Variants in RASEF observed in about 807,000 individuals in gnomAD.
The protein encoded by RASEF is ras and EF-hand domain-containing protein.
In RASEF, 68 loss-of-function variants were observed where a neutral mutation model predicts 90.1. That is an observed-to-expected ratio of 0.75 (90% CI 0.62 to 0.92). RASEF has a LOEUF of 0.92. RASEF is among the 40% of genes least tolerant of loss of function. The pLI is 0.00. For synonymous variants in RASEF, 331 were observed against 345.2 expected (o/e 0.96, Z 0.46); for missense variants, 949 against 937.2 (o/e 1.01, Z -0.16).
chr9:82,996,882 A>C (rs1828930429), intron 14 of RASEF, 130 bp downstream of exon 14: 1 of 626,928 alleles, frequency 1.6e-6, no homozygotes, highest in African/African-American at 1.8e-5. Flanking sequence ...TGTAGCATCC[A>C]ATTCTTCCTG....
intron 1 of RASEF, among the ~76,000 whole-genome samples, chr9:83,031,814 C>T (rs1438720481): frequency 6.6e-6 from 1 of 152,100 alleles, no homozygotes; most frequent in African/African-American, 2.4e-5. Flanking sequence ...TTACTTAAAG[C>T]TATCTGGGGG....
At chr9:83,028,880 T>C (rs58323931) in intron 1 of RASEF, among the ~76,000 whole-genome samples, 4,499 of 152,178 alleles carry the variant, frequency 0.03, 205 homozygotes, top group African/African-American at 0.1. Context: ...CCAATCTTAC[T>C]GGTCACCTTA....
At chr9:83,134,312 C>T in the RASEF span, among the ~76,000 whole-genome samples, 2 of 151,818 alleles carry the variant, frequency 1.3e-5, no homozygotes, top group African/African-American at 4.8e-5. Context: ...AACACTTAGT[C>T]CACACCTTTT....
chr9:83,180,883 G>A, the RASEF span, among the ~76,000 whole-genome samples: 189 of 151,486 alleles, frequency 1.2e-3, no homozygotes, highest in African/African-American at 4.2e-3. Flanking sequence ...CTTTAGCTAC[G>A]TTAAAAAAAA....
chr9:83,037,589 ATGT>A (rs1829766214), intron 1 of RASEF, among the ~76,000 whole-genome samples: 1 of 152,158 alleles, frequency 6.6e-6, no homozygotes. Context: ...GTAGACTGAA[ATGT>A]TGTCAAAATT....
chr9:83,215,227 T>G, the RASEF span, among the ~76,000 whole-genome samples: 1 of 152,094 alleles, frequency 6.6e-6, no homozygotes, highest in African/African-American at 2.4e-5. Flanking sequence ...CACCACTCAA[T>G]AAAACTTCAC....
At chr9:83,218,007 T>C in the RASEF span, among the ~76,000 whole-genome samples, 1 of 152,160 alleles carries the variant, frequency 6.6e-6, no homozygotes, top group East Asian at 1.9e-4. Context: ...TGGAGCCTAA[T>C]TGCATGCCAG....
chr9:83,010,861 A>G (rs1378932618), intron 5 of RASEF, among the ~76,000 whole-genome samples: 1 of 152,046 alleles, frequency 6.6e-6, no homozygotes, highest in Non-Finnish European at 1.5e-5. Context: ...ACCGTCCCAC[A>G]GGATCCTACA....
intron 3 of RASEF, among the ~76,000 whole-genome samples, chr9:83,016,164 TACTC>T (rs200428060): frequency 0.01 from 1,532 of 152,284 alleles, 15 homozygotes; most frequent in Non-Finnish European, 0.016. Flanking sequence ...CTAAGACTAT[TACTC>T]ACATTGTGAT....
chr9:83,093,611 G>A, the RASEF span, among the ~76,000 whole-genome samples: 8 of 152,224 alleles, frequency 5.3e-5, no homozygotes, highest in East Asian at 1.9e-4. Context: ...TGTGGGGCCC[G>A]CCAAGCCCAT....
At chr9:83,110,201 C>A in the RASEF span, among the ~76,000 whole-genome samples, 2 of 152,074 alleles carry the variant, frequency 1.3e-5, no homozygotes, top group African/African-American at 4.8e-5. Context: ...AGCAAAGCGA[C>A]CATATTTTGG....
chr9:83,076,134 C>G, the RASEF span, among the ~76,000 whole-genome samples: 1 of 149,966 alleles, frequency 6.7e-6, no homozygotes, highest in South Asian at 2.1e-4. Context: ...CGCCACTGTA[C>G]TACAGCCTGG....
chr9:83,118,504 AT>A, the RASEF span, among the ~76,000 whole-genome samples: 4,499 of 151,788 alleles, frequency 0.03, 230 homozygotes, highest in African/African-American at 0.1. Flanking sequence ...TGTTGCTTTG[AT>A]TTTTTTTGCT....
chr9:83,033,873 T>C (rs1392357677), intron 1 of RASEF, among the ~76,000 whole-genome samples: 1 of 152,180 alleles, frequency 6.6e-6, no homozygotes, highest in African/African-American at 2.4e-5. Flanking sequence ...ATGTTCTTAC[T>C]AATGTAATAC....
chr9:83,146,865 A>G, the RASEF span, among the ~76,000 whole-genome samples: 6 of 152,096 alleles, frequency 3.9e-5, no homozygotes, highest in African/African-American at 1.4e-4. Context: ...ATGGACGTGA[A>G]GCTAACAAAA....
In RASEF at chr9:83,001,061, T is replaced by C; in HGVS notation, c.1272A>G (p.Thr424=). The part of the protein sequence containing the change: ...SLALCDPLQR[T]NCEVDSLPES... The stretch of plus-strand genomic sequence containing the variant: ...CAGGCAGGCTGTCAACTTCACAATT[T>C]GTCCTCTGCAGAGGATCACAGAGGG... Residue 424 remains threonine, a synonymous_variant, in exon 10 of 17, where the codon ACA becomes ACG. Transcript: ENST00000376447. 1 of 1,614,204 alleles carries C rather than the reference T, an allele frequency of 6.2e-7. No homozygotes were observed. The highest frequency in any genetic ancestry group is 1.3e-5 in the African/African-American group (1 of 75,046).
the RASEF span, among the ~76,000 whole-genome samples, chr9:83,154,873 G>A: frequency 6.6e-6 from 1 of 152,266 alleles, no homozygotes; most frequent in East Asian, 1.9e-4. Context: ...GGAAATAATG[G>A]AGGAAGGTAT....
rs148563064 is a variant in RASEF, at chr9:83,015,517, T to A, written c.765+288A>T. Among the ~76,000 whole-genome samples, 1,299 of 152,166 alleles carry A rather than the reference T, an allele frequency of 8.5e-3. 22 individuals carry two copies. Among genetic ancestry groups the A allele is most frequent in the African/African-American group, 0.03 (1,231 of 41,512 alleles). On this transcript the variant is annotated intron_variant, in intron 4 of 16. Transcript: ENST00000376447. Reference sequence around the variant, plus strand: ...CCGACATGGTGAAACCCGCCTCTACTAAAAACACAAAAATTAGCTGGGCAT... The same window carrying A: ...CCGACATGGTGAAACCCGCCTCTACAAAAAACACAAAAATTAGCTGGGCAT...
intron 16 of RASEF, among the ~76,000 whole-genome samples, 154 bp from the exon 17 acceptor site, chr9:82,982,936 T>C (rs1005775741): frequency 2.6e-4 from 39 of 152,186 alleles, no homozygotes; most frequent in African/African-American, 9.2e-4. Context: ...TAATGCTTTA[T>C]AGGTCTTGAC....
Sources: gnomAD v4.1 joint callset for allele counts (sites outside exome capture counted in the v4.1 genomes callset) on GRCh38, gnomAD v4.1.1 for gene constraint, MANE v1.5 for transcripts, NCBI Gene and HGNC (gene_info 2026-07-23, HGNC 2026-07-21) for gene names.